The following UBP1 variants were observed in gnomAD, a reference collection of about 807,000 sequenced individuals.
UBP1 encodes the protein upstream binding protein 1.
In UBP1, 22 loss-of-function variants were observed where a neutral mutation model predicts 76.1. The ratio of observed to expected loss-of-function variants is 0.29; its 90% CI spans 0.21 to 0.41. The LOEUF (loss-of-function observed/expected upper bound fraction) is 0.41. UBP1 is among the 10% of genes least tolerant of loss of function. The probability of loss-of-function intolerance (pLI) is 1.00; values close to 1 mark genes in which losing one functional copy is unlikely to be tolerated. For synonymous variants in UBP1, 224 were observed against 237.1 expected, an observed-to-expected ratio of 0.94 and a Z score of 0.51; for missense variants, 436 against 668.1, an observed-to-expected ratio of 0.65 and a Z score of 3.83.
At chr3:33,397,350 T>C (rs2044041299) in intron 11 of UBP1, 2 of 394,084 alleles carry the variant, frequency 5.1e-6, no homozygotes, top group Admixed American at 8.8e-5. Context: ...AGAAGGAGCT[T>C]AGAAGTCCTG....
intron 11 of UBP1, among the ~76,000 whole-genome samples, chr3:33,399,532 G>C (rs1235160022): frequency 6.6e-6 from 1 of 152,108 alleles, no homozygotes; most frequent in East Asian, 1.9e-4. Context: ...CGTTATGCTA[G>C]TGAAAAAAAG....
chr3:33,417,448 T>C (rs1383852772), intron 2 of UBP1, among the ~76,000 whole-genome samples: 1 of 152,246 alleles, frequency 6.6e-6, no homozygotes, highest in Middle Eastern at 3.2e-3. Flanking sequence ...TTCACCCATA[T>C]GTAGTATATA....
intron 3 of UBP1, among the ~76,000 whole-genome samples, chr3:33,413,712 T>C (rs2044656076): frequency 6.6e-6 from 1 of 152,092 alleles, no homozygotes; most frequent in South Asian, 2.1e-4. Context: ...TTCTTTGAGA[T>C]AAAGAGTACC....
intron 1 of UBP1, among the ~76,000 whole-genome samples, chr3:33,433,389 A>G (rs2045147873): frequency 7.1e-6 from 1 of 140,486 alleles, no homozygotes. Flanking sequence ...AAAAAAAAAA[A>G]GACTACCATA....
At position 33,393,281 on chromosome 3, in the gene UBP1, C is replaced by T. The variant is rs530094982; in HGVS notation, c.1533+31G>A. 2.3e-5 allele frequency: 36 copies of T among 1,574,438 alleles called. No individual in the cohort carries two copies. The East Asian group carries it at 8.0e-4, about 35-fold the overall frequency. On this transcript the variant is annotated intron_variant, in intron 14 of 15. Transcript: ENST00000283629. ...TACATGTATAAAAGTAAATACCAGT[C>T]TGAAAAGGAAAAACAAATGATTTGA...
chr3:33,428,257 G>A (rs1020294133), intron 1 of UBP1, among the ~76,000 whole-genome samples: 7 of 151,378 alleles, frequency 4.6e-5, no homozygotes, highest in Admixed American at 2.0e-4. Context: ...TTGGCTCCAG[G>A]GAAGATAAAA....
Position 33,397,084 on chromosome 3 carries a change from GCAC to G in UBP1, c.1229_1231del (p.Gly410del). The G allele has an allele frequency of 1.9e-6, 3 of 1,603,302 alleles. No homozygotes were observed. Among genetic ancestry groups the G allele is most frequent in the Non-Finnish European group, 2.6e-6 (3 of 1,176,014 alleles). On this transcript the variant is annotated inframe_deletion, in exon 12 of 16. Coordinates refer to ENST00000283629, the MANE Select transcript of UBP1 (RefSeq NM_014517.5). ...ATTATAGAGCCGAATTCCATCGGCT[GCAC>G]CACAAATTTGAACTAAATCCTCCTT...
At chr3:33,400,681 G>T (rs1175334847) in intron 10 of UBP1, among the ~76,000 whole-genome samples, 3 of 152,084 alleles carry the variant, frequency 2.0e-5, no homozygotes, top group African/African-American at 7.2e-5. Flanking sequence ...ATGGGTGAGG[G>T]ATAAGAGAGA....
At chr3:33,397,199 A>T (rs1005272647) in intron 11 of UBP1, 64 bp from the exon 12 acceptor site, 5 of 1,244,938 alleles carry the variant, frequency 4.0e-6, no homozygotes, top group Non-Finnish European at 5.6e-6. Flanking sequence ...CTTTACAGGC[A>T]TCTGTCTTCA....
chr3:33,420,030 C>T (rs2044845367), intron 2 of UBP1, among the ~76,000 whole-genome samples: 2 of 151,906 alleles, frequency 1.3e-5, no homozygotes, highest in African/African-American at 4.8e-5. Flanking sequence ...GATTCATGTC[C>T]CCACCCACCT....
At position 33,400,118 on chromosome 3, in the gene UBP1, T is replaced by C. The variant is rs530104233; in HGVS notation, c.1180+71A>G. On this transcript the variant is annotated intron_variant, in intron 11 of 15. Coordinates refer to ENST00000283629, the MANE Select transcript of UBP1 (RefSeq NM_014517.5). ...TAGTTATTTCAAAATTTTAAAAATA[T>C]AAAGTTAATAAAAGCACAGAAACAA... is the stretch of plus-strand genomic sequence containing the variant. 27 of 1,051,312 alleles carry C rather than the reference T, an allele frequency of 2.6e-5. 1 individual carries two copies. Among genetic ancestry groups the C allele is most frequent in the African/African-American group, 2.2e-4 (13 of 59,050 alleles). The allele number at this position is 1,051,312 out of a possible 1,614,324, so 65.1% of individuals were successfully genotyped here.
At chr3:33,415,731 C>A (rs1232706328) in intron 3 of UBP1, among the ~76,000 whole-genome samples, 1 of 151,784 alleles carries the variant, frequency 6.6e-6, no homozygotes, top group Non-Finnish European at 1.5e-5. Flanking sequence ...AACTTTCCAA[C>A]CCTTTTACAC....
chr3:33,402,647 T>C (rs1240541873), intron 9 of UBP1, among the ~76,000 whole-genome samples, 154 bp downstream of exon 9: 2 of 152,006 alleles, frequency 1.3e-5, no homozygotes, highest in African/African-American at 4.8e-5. Context: ...GAAAAGACAA[T>C]GATTGTCCTC....
At chr3:33,427,131 G>C (rs970680712) in intron 1 of UBP1, among the ~76,000 whole-genome samples, 6 of 152,052 alleles carry the variant, frequency 3.9e-5, no homozygotes, top group African/African-American at 1.4e-4. Flanking sequence ...CCACACCCAG[G>C]TAATTGTATT....
chr3:33,397,131 G>A lies in UBP1; in HGVS notation c.1185C>T (p.Ala395=), dbSNP rs375482221. The change falls in exon 12 of 16, where the codon GCC becomes GCT. Residue 395 remains alanine (A), a synonymous_variant. Transcript: ENST00000283629. The part of the protein sequence containing the change: ...YTRLFSNFSG[A]DLLKLTKEDL... ...CCTCCTTTGTCAGTTTTAATAAGTCGGCACCTAGAGAAGAGCAAAAATATT... is the reference window on the plus strand; with the variant it reads ...CCTCCTTTGTCAGTTTTAATAAGTCAGCACCTAGAGAAGAGCAAAAATATT... 2.5e-5 allele frequency: 40 copies of A among 1,586,536 alleles called. No individual in the cohort carries two copies. The highest frequency in any genetic ancestry group is 4.1e-5 in the African/African-American group (3 of 73,208).
At chr3:33,422,514 G>A (rs955634803) in intron 2 of UBP1, among the ~76,000 whole-genome samples, 1 of 152,036 alleles carries the variant, frequency 6.6e-6, no homozygotes, top group East Asian at 1.9e-4. Flanking sequence ...CCCAGGAGTC[G>A]GAGATTAGCG....
At chr3:33,422,709 A>T (rs987075169) in intron 2 of UBP1, among the ~76,000 whole-genome samples, 1 of 134,030 alleles carries the variant, frequency 7.5e-6, no homozygotes, top group African/African-American at 2.8e-5. Context: ...TGGGTGACAG[A>T]GCAAGACCAA....
At chr3:33,415,224 A>G in intron 3 of UBP1, among the ~76,000 whole-genome samples, 1 of 152,246 alleles carries the variant, frequency 6.6e-6, no homozygotes, top group East Asian at 1.9e-4. Context: ...ACTGCCCTGG[A>G]AAGCCAGCTT....
intron 8 of UBP1, among the ~76,000 whole-genome samples, chr3:33,407,001 A>G (rs2044444988): frequency 6.6e-6 from 1 of 152,216 alleles, no homozygotes; most frequent in Non-Finnish European, 1.5e-5. Flanking sequence ...CTGAAAGCCA[A>G]TTGTAACTAG....
Sources: gnomAD v4.1 joint callset for allele counts (sites outside exome capture counted in the v4.1 genomes callset) on GRCh38, gnomAD v4.1.1 for gene constraint, MANE v1.5 for transcripts, NCBI Gene and HGNC (gene_info 2026-07-23, HGNC 2026-07-21) for gene names.